The following SCG5 variants were observed in gnomAD, a reference collection of about 807,000 sequenced individuals.
SCG5 encodes neuroendocrine protein 7B2.
SCG5 carries 18 observed loss-of-function variants against 25.7 expected under a neutral mutation model. That is an observed-to-expected ratio of 0.70 (90% CI 0.48 to 1.04). The LOEUF is 1.04. Ranked by LOEUF, SCG5 falls within the 50% of genes least tolerant of loss-of-function variation. SCG5 has a pLI of 0.00. For synonymous variants in SCG5, 101 were observed against 91.7 expected, an observed-to-expected ratio of 1.10 and a Z score of -0.58; for missense variants, 206 against 259.8, an observed-to-expected ratio of 0.79 and a Z score of 1.42.
chr15:32,689,993 C>A (rs1240159794), intron 4 of SCG5, among the ~76,000 whole-genome samples: 1 of 152,138 alleles, frequency 6.6e-6, no homozygotes. Flanking sequence ...AGGCGCCCGC[C>A]ACCACGCCCG....
At chr15:32,646,483 TGGAAG>T (rs2053945868) in intron 2 of SCG5, among the ~76,000 whole-genome samples, 1 of 152,244 alleles carries the variant, frequency 6.6e-6, no homozygotes, top group African/African-American at 2.4e-5. Context: ...TTCTCATAGC[TGGAAG>T]GAGAATATCT....
At chr15:32,662,519 C>T (rs1382940313) in intron 2 of SCG5, among the ~76,000 whole-genome samples, 7 of 148,092 alleles carry the variant, frequency 4.7e-5, no homozygotes, top group African/African-American at 1.7e-4. Context: ...TTTGTTAATA[C>T]GATGCATTGC....
intron 5 of SCG5, among the ~76,000 whole-genome samples, chr15:32,696,131 T>A (rs1050530727): frequency 2.6e-5 from 4 of 152,156 alleles, no homozygotes; most frequent in African/African-American, 9.7e-5. Context: ...TTTTCTTTTT[T>A]TTTTGAGACA....
Position 32,650,152 on chromosome 15 carries a change from A to G in SCG5, c.226+6334A>G, listed in dbSNP as rs1188539713. ...TGCTCTTTCGCCCAGGCTGGAGTGC[A>G]GTGGCGGGATCTCAGCTCACTGCAA... On this transcript the variant is annotated intron_variant, in intron 2 of 5. Transcript: ENST00000300175. 2.0e-5 allele frequency among the ~76,000 whole-genome samples: 3 copies of G among 152,170 alleles called. 1 individual carries two copies. The highest frequency in any genetic ancestry group is 4.4e-5 in the Non-Finnish European group (3 of 68,034).
intron 2 of SCG5, among the ~76,000 whole-genome samples, chr15:32,647,594 C>T (rs1264959056): frequency 1.3e-5 from 2 of 152,144 alleles, no homozygotes; most frequent in African/African-American, 2.4e-5. Context: ...TTCACAGCTG[C>T]CTTTCACAGC....
chr15:32,684,713 T>C lies in SCG5; in HGVS notation c.489+44T>C, dbSNP rs748259380. The stretch of plus-strand genomic sequence containing the variant: ...GTTAGTAGATTTTGCACTTTGGTAC[T>C]CTGAAGGTGCTGATGGCAGGGATGA... On this transcript the variant is annotated intron_variant, in intron 4 of 5. Coordinates refer to ENST00000300175, the MANE Select transcript of SCG5 (RefSeq NM_001144757.3). 3.1e-6 allele frequency: 4 copies of C among 1,287,570 alleles called. No homozygotes were observed. In the East Asian group the frequency reaches 9.3e-5, roughly 30 times the overall value. 79.8% of individuals were successfully genotyped at this position (1,287,570 alleles called of 1,614,324 possible). A position where few individuals can be genotyped will look rare whatever the true frequency, so the allele number is the denominator to read the frequency against.
At chr15:32,657,727 T>C (rs962146542) in intron 2 of SCG5, among the ~76,000 whole-genome samples, 1 of 152,206 alleles carries the variant, frequency 6.6e-6, no homozygotes, top group East Asian at 1.9e-4. Flanking sequence ...TTGAACCAAA[T>C]AGCCTATCAA....
rs1216578495 is a variant in SCG5 at position 32,663,056 on chromosome 15, TATATATATATATATATATATATA to T, written c.227-16702_227-16680del. Among the ~76,000 whole-genome samples the T allele has an allele frequency of 1.7e-3, 121 of 72,216 alleles. 3 individuals are homozygous for T. Among genetic ancestry groups the T allele is most frequent in the South Asian group, 8.2e-3 (25 of 3,036 alleles). 47.4% of individuals were successfully genotyped at this position (72,216 alleles called of 152,430 possible). A position where few individuals can be genotyped will look rare whatever the true frequency, so the allele number is the denominator to read the frequency against. On this transcript the variant is annotated intron_variant, in intron 2 of 5. Coordinates refer to ENST00000300175, the MANE Select transcript of SCG5 (RefSeq NM_001144757.3). Reference sequence around the variant, plus strand: ...GAATATATATATATATATATATATATATATATATATATATATATATATAATATATAATATGTTATATATACACA... The same window carrying T: ...GAATATATATATATATATATATATATATATATAATATGTTATATATACACA...
chr15:32,691,580 T>G (rs2054857702), intron 4 of SCG5, 130 bp from the exon 5 acceptor site: 2 of 730,400 alleles, frequency 2.7e-6, no homozygotes, highest in Non-Finnish European at 4.6e-6. Context: ...ATTCCTTTCA[T>G]CTAGTTTTGT....
In SCG5 at chr15:32,646,880, A is replaced by G. The variant is rs372064442; in HGVS notation, c.226+3062A>G. ...ATGGAGTATCTTCCATACCCTTCCA[A>G]CATTGATTTTAGGATTTTATTGTGA... On this transcript the variant is annotated intron_variant, in intron 2 of 5. Transcript: ENST00000300175. Among the ~76,000 whole-genome samples, 33 of 152,294 alleles carry G rather than the reference A, an allele frequency of 2.2e-4. 1 individual carries two copies. The South Asian group carries it at 6.0e-3, about 28-fold the overall frequency.
intron 5 of SCG5, among the ~76,000 whole-genome samples, chr15:32,694,372 A>T (rs1595825080): frequency 6.6e-6 from 1 of 152,174 alleles, no homozygotes; most frequent in Non-Finnish European, 1.5e-5. Flanking sequence ...CCCAAATCCA[A>T]TTGAATTCCT....
chr15:32,650,142 G>C (rs994695313), intron 2 of SCG5, among the ~76,000 whole-genome samples: 6 of 152,140 alleles, frequency 3.9e-5, no homozygotes, highest in Non-Finnish European at 5.9e-5. Context: ...TTTCGCCCAG[G>C]CTGGAGTGCA....
intron 2 of SCG5, among the ~76,000 whole-genome samples, chr15:32,661,172 A>T (rs2054211357): frequency 6.6e-6 from 1 of 152,218 alleles, no homozygotes; most frequent in Non-Finnish European, 1.5e-5. Flanking sequence ...CCAAGATGGA[A>T]CAGAAGGGGC....
intron 5 of SCG5, 50 bp from the exon 6 acceptor site, chr15:32,696,464 T>C (rs1218190063): frequency 2.4e-6 from 3 of 1,264,344 alleles, no homozygotes; most frequent in Admixed American, 1.8e-5. Flanking sequence ...CTGTATCTGA[T>C]GTTCACATAT....
chr15:32,689,345 G>T lies in SCG5; in HGVS notation c.490-2365G>T, dbSNP rs115207323. ...GCTTTCTTTTCTTTCCTTTTGACAG[G>T]ACCTCATCATTTTTTTGAGCACTTC... On this transcript the variant is annotated intron_variant, in intron 4 of 5. Transcript: ENST00000300175. 5.1e-3 allele frequency among the ~76,000 whole-genome samples: 772 copies of T among 152,178 alleles called. 10 individuals carry two copies. The highest frequency in any genetic ancestry group is 0.018 in the African/African-American group (736 of 41,518).
intron 2 of SCG5, among the ~76,000 whole-genome samples, chr15:32,678,127 A>G (rs916614503): frequency 8.5e-5 from 13 of 152,244 alleles, no homozygotes; most frequent in African/African-American, 2.9e-4. Flanking sequence ...TCCAAATGTC[A>G]GTAGTACTTC....
intron 2 of SCG5, among the ~76,000 whole-genome samples, chr15:32,668,278 C>A (rs1245657281): frequency 6.6e-6 from 1 of 152,190 alleles, no homozygotes; most frequent in Non-Finnish European, 1.5e-5. Flanking sequence ...TTATAAAGAA[C>A]ACTTATGGAT....
chr15:32,695,818 A>ATT (rs2054948201), intron 5 of SCG5, among the ~76,000 whole-genome samples: 1 of 152,208 alleles, frequency 6.6e-6, no homozygotes. Context: ...AAATAGGGCC[A>ATT]TAGAATAATA....
intron 2 of SCG5, among the ~76,000 whole-genome samples, chr15:32,676,409 T>A (rs1430334407): frequency 6.6e-6 from 1 of 152,224 alleles, no homozygotes; most frequent in Non-Finnish European, 1.5e-5. Flanking sequence ...AGACACGCAT[T>A]CTGCCTTGAG....
Sources: allele counts gnomAD v4.1 joint callset (sites outside exome capture counted in the v4.1 genomes callset), GRCh38; gene constraint gnomAD v4.1.1; transcripts MANE v1.5; gene names NCBI Gene and HGNC (gene_info 2026-07-23, HGNC 2026-07-21).